Variants in PTK2 observed in about 807,000 individuals in gnomAD.
PTK2 encodes protein tyrosine kinase 2, also known as focal adhesion kinase 1.
Under a neutral mutation model 150.1 loss-of-function variants are expected in PTK2, and 45 were observed. The ratio of observed to expected loss-of-function variants is 0.30; its 90% CI spans 0.24 to 0.38. PTK2 has a LOEUF of 0.38. Ranked by LOEUF, PTK2 falls within the 10% of genes least tolerant of loss-of-function variation. The pLI is 1.00. For synonymous variants in PTK2, 432 were observed against 449.2 expected (o/e 0.96, Z 0.48); for missense variants, 919 against 1,307.3 (o/e 0.70, Z 4.58).
intron 2 of PTK2, among the ~76,000 whole-genome samples, chr8:140,901,614 T>C (rs1410413893): frequency 6.6e-6 from 1 of 150,572 alleles, no homozygotes; most frequent in Non-Finnish European, 1.5e-5. Context: ...TCATGCTCAA[T>C]GAACTCCAGC....
intron 22 of PTK2, 44 bp downstream of exon 25, chr8:140,735,207 T>C (rs2100051879): frequency 1.3e-6 from 2 of 1,558,974 alleles, no homozygotes; most frequent in South Asian, 2.3e-5. Context: ...AGAAGCAGCA[T>C]AATCTGCCCC....
chr8:140,859,209 C>A (rs1238445132), intron 5 of PTK2, among the ~76,000 whole-genome samples: 1 of 152,094 alleles, frequency 6.6e-6, no homozygotes, highest in Non-Finnish European at 1.5e-5. Context: ...AGCATGACAA[C>A]TGGCAAACAA....
intron 1 of PTK2, among the ~76,000 whole-genome samples, chr8:140,931,355 A>AATATATCTTCAGC (rs945671389): frequency 1.3e-5 from 2 of 152,186 alleles, no homozygotes; most frequent in African/African-American, 4.8e-5. Context: ...CTTACTTTAA[A>AATATATCTTCAGC]ATATATCTTC....
intron 10 of PTK2, among the ~76,000 whole-genome samples, chr8:140,816,055 T>C (rs984679753): frequency 2.6e-5 from 4 of 152,196 alleles, no homozygotes; most frequent in East Asian, 1.9e-4. Flanking sequence ...AAGGTAAAAT[T>C]ATTCTTTTGC....
chr8:140,846,392 T>C, intron 6 of PTK2, 70 bp from the exon 7 acceptor site: 1 of 1,477,256 alleles, frequency 6.8e-7, no homozygotes, highest in Non-Finnish European at 9.4e-7. Context: ...TGATAAAAAC[T>C]GGGGGAGAGG....
At chr8:140,703,222 C>T (rs1213430047) in intron 24 of PTK2, among the ~76,000 whole-genome samples, 1 of 151,606 alleles carries the variant, frequency 6.6e-6, no homozygotes, top group Admixed American at 6.6e-5. Context: ...GAGATCGGGC[C>T]ATTGCACTCC....
chr8:140,788,281 T>C (rs1235286184), intron 14 of PTK2, among the ~76,000 whole-genome samples: 1 of 152,186 alleles, frequency 6.6e-6, no homozygotes, highest in Non-Finnish European at 1.5e-5. Context: ...TTTGACAGTA[T>C]AACACATCAT....
exon 16 of PTK2, chr8:140,761,216 A>G: frequency 1.9e-6 from 3 of 1,613,284 alleles, no homozygotes. Flanking sequence ...CTTCTCCAAT[A>G]CATCGTCCAA....
intron 1 of PTK2, among the ~76,000 whole-genome samples, chr8:140,984,604 T>C (rs1441377149): frequency 1.3e-5 from 2 of 152,098 alleles, no homozygotes; most frequent in African/African-American, 4.8e-5. Flanking sequence ...CAAATACATA[T>C]CCTAGAACGG....
chr8:140,704,209 G>C (rs543839655), intron 24 of PTK2, among the ~76,000 whole-genome samples: 35 of 152,262 alleles, frequency 2.3e-4, no homozygotes, highest in African/African-American at 7.7e-4. Flanking sequence ...CTACATAATA[G>C]TAACCATGTA....
intron 7 of PTK2, chr8:140,832,905 T>G: frequency 1.9e-6 from 1 of 519,020 alleles, no homozygotes; most frequent in South Asian, 1.4e-5. Flanking sequence ...ACGTCAGTAT[T>G]TGGGTGAGGG....
At chr8:140,720,453 A>G (rs367671963) in intron 22 of PTK2, among the ~76,000 whole-genome samples, 1 of 152,248 alleles carries the variant, frequency 6.6e-6, no homozygotes. Context: ...GCAAGGCTCA[A>G]TCAAACTCAA....
chr8:140,795,279 A>C (rs1021826494), intron 12 of PTK2, among the ~76,000 whole-genome samples: 3 of 152,264 alleles, frequency 2.0e-5, no homozygotes, highest in Non-Finnish European at 4.4e-5. Context: ...ATGGCTTCCC[A>C]AATCACTTGA....
intron 12 of PTK2, 93 bp downstream of exon 12, chr8:140,800,366 G>C: frequency 1.0e-6 from 1 of 1,004,096 alleles, no homozygotes; most frequent in Non-Finnish European, 1.6e-6. Context: ...CATTTTTACA[G>C]TTACCTAAAA....
At chr8:140,830,952 C>T (rs192568352) in intron 7 of PTK2, among the ~76,000 whole-genome samples, 584 of 152,046 alleles carry the variant, frequency 3.8e-3, no homozygotes, top group Non-Finnish European at 6.7e-3. Flanking sequence ...AGGATATACC[C>T]GAGAAGTTAC....
chr8:140,679,235 G>A (rs2100015731), intron 27 of PTK2, among the ~76,000 whole-genome samples: 1 of 151,742 alleles, frequency 6.6e-6, no homozygotes, highest in Non-Finnish European at 1.5e-5. Flanking sequence ...ATGTGGGCCA[G>A]GCTGGTCTTG....
At chr8:140,761,492 G>A (rs948803139) in intron 15 of PTK2, among the ~76,000 whole-genome samples, 2 of 152,054 alleles carry the variant, frequency 1.3e-5, no homozygotes, top group African/African-American at 4.8e-5. Flanking sequence ...ACTAAAGGTA[G>A]ATATTTTTCA....
chr8:140,781,345 G>A (rs904881661), intron 14 of PTK2, among the ~76,000 whole-genome samples: 7 of 152,036 alleles, frequency 4.6e-5, no homozygotes, highest in African/African-American at 7.2e-5. Context: ...AATAAGTTTC[G>A]CCAGAGGATC....
At chr8:140,893,899 C>T (rs531666841) in intron 2 of PTK2, among the ~76,000 whole-genome samples, 2 of 152,256 alleles carry the variant, frequency 1.3e-5, no homozygotes, top group South Asian at 2.1e-4. Context: ...AACTCTCATA[C>T]ACTGCTGATG....
Sources: gnomAD v4.1 joint callset for allele counts (sites outside exome capture counted in the v4.1 genomes callset) on GRCh38, gnomAD v4.1.1 for gene constraint, MANE v1.5 for transcripts, NCBI Gene and HGNC (gene_info 2026-07-23, HGNC 2026-07-21) for gene names.